The following SLIT3 variants were observed in gnomAD, a reference collection of about 807,000 sequenced individuals.
The protein encoded by SLIT3 is slit homolog 3 protein.
SLIT3 carries 68 observed loss-of-function variants against 184.0 expected under a neutral mutation model. The ratio of observed to expected loss-of-function variants is 0.37; its 90% CI spans 0.30 to 0.45. The LOEUF (loss-of-function observed/expected upper bound fraction) is 0.45, where lower values mean the gene tolerates loss of function less well. Ranked by LOEUF, SLIT3 falls within the 20% of genes least tolerant of loss-of-function variation. The probability of loss-of-function intolerance (pLI) is 1.00; values close to 1 mark genes in which losing one functional copy is unlikely to be tolerated. For synonymous variants in SLIT3, 831 were observed against 828.6 expected, an observed-to-expected ratio of 1.00 and a Z score of -0.05; for missense variants, 1,707 against 2,026.0, an observed-to-expected ratio of 0.84 and a Z score of 3.02.
chr5:168,962,305 C>T (rs1763039385), intron 4 of SLIT3, among the ~76,000 whole-genome samples: 1 of 129,500 alleles, frequency 7.7e-6, no homozygotes, highest in Non-Finnish European at 1.6e-5. Context: ...ACACCCCCCA[C>T]CCCACAACAC....
chr5:168,937,466 G>A (rs573698035), intron 4 of SLIT3, among the ~76,000 whole-genome samples: 1 of 152,286 alleles, frequency 6.6e-6, no homozygotes, highest in East Asian at 1.9e-4. Flanking sequence ...CCTGGCCTTC[G>A]AGGGTGGCAG....
intron 4 of SLIT3, among the ~76,000 whole-genome samples, chr5:169,137,327 C>CAGAGAGAGAGAGAG (rs761731942): frequency 2.1e-4 from 18 of 87,244 alleles, no homozygotes; most frequent in Admixed American, 1.7e-3. Context: ...CACACACACA[C>CAGAGAGAGAGAGAG]ACACACACAG....
At chr5:169,229,675 T>A (rs1234364545) in intron 3 of SLIT3, among the ~76,000 whole-genome samples, 1 of 146,222 alleles carries the variant, frequency 6.8e-6, no homozygotes. Flanking sequence ...TCTCTCCTTA[T>A]TCATCACTCT....
intron 4 of SLIT3, among the ~76,000 whole-genome samples, chr5:168,967,157 T>C (rs985775976): frequency 1.3e-5 from 2 of 152,098 alleles, no homozygotes; most frequent in African/African-American, 4.8e-5. Flanking sequence ...ATGCTCTGTA[T>C]ATATTTTTAA....
At chr5:168,671,751 C>G (rs1761255687) in intron 33 of SLIT3, among the ~76,000 whole-genome samples, 2 of 152,120 alleles carry the variant, frequency 1.3e-5, no homozygotes, top group Non-Finnish European at 2.9e-5. Flanking sequence ...TTGGACTTCC[C>G]TAGAAAAAAT....
intron 4 of SLIT3, among the ~76,000 whole-genome samples, chr5:168,897,271 T>G (rs539989499): frequency 6.6e-6 from 1 of 152,220 alleles, no homozygotes; most frequent in South Asian, 2.1e-4. Flanking sequence ...CAGGACTCCT[T>G]GGATGTCTTT....
At chr5:168,690,743 G>A (rs1014626834) in intron 29 of SLIT3, among the ~76,000 whole-genome samples, 1 of 152,152 alleles carries the variant, frequency 6.6e-6, no homozygotes, top group African/African-American at 2.4e-5. Context: ...GGGCAGATGA[G>A]GTAGATAGGA....
chr5:168,870,234 T>A (rs993710010), intron 5 of SLIT3, among the ~76,000 whole-genome samples: 1 of 152,258 alleles, frequency 6.6e-6, no homozygotes, highest in East Asian at 1.9e-4. Context: ...GAGTCTCTAA[T>A]AATTCTCTTT....
chr5:169,117,262 T>C lies in SLIT3; in HGVS notation c.413+76217A>G, dbSNP rs1760707997. On this transcript the variant is annotated intron_variant, in intron 4 of 35. Transcript: ENST00000519560. ...ACATAACTCCACAATGGACTTACAA[T>C]CTATAAAAAGCACGGCTCCATGCCC... Among the ~76,000 whole-genome samples, 3 of 152,062 alleles carry C rather than the reference T, an allele frequency of 2.0e-5. No homozygotes were observed. In the South Asian group the frequency reaches 6.2e-4, roughly 32 times the overall value.
rs192624701 is a variant in SLIT3, at chr5:169,274,906, G to A, written c.198-23447C>T. On this transcript the variant is annotated intron_variant, in intron 1 of 35. Transcript: ENST00000519560. The stretch of plus-strand genomic sequence containing the variant: ...TCTGGAAATTTGATGTAATAAATAG[G>A]TTCAACCTCATAGGGTTGTTGTGAG... Among the ~76,000 whole-genome samples the A allele has an allele frequency of 3.3e-5, 5 of 152,306 alleles. No homozygotes were observed. In the East Asian group the frequency reaches 9.7e-4, roughly 29 times the overall value.
intron 4 of SLIT3, among the ~76,000 whole-genome samples, chr5:168,901,177 G>A (rs1408401162): frequency 1.3e-5 from 2 of 152,046 alleles, no homozygotes; most frequent in Non-Finnish European, 2.9e-5. Context: ...TGGCTAACAT[G>A]GTGAAACCCC....
In SLIT3 at chr5:169,187,817, G is replaced by A. The variant is rs530864298; in HGVS notation, c.413+5662C>T. ...GATCAGCCCGCCTCGGCTTCCCAAA[G>A]TGTTGGGATTACAGGCGTCAGCTAC... On this transcript the variant is annotated intron_variant, in intron 4 of 35. Coordinates refer to ENST00000519560, the MANE Select transcript of SLIT3 (RefSeq NM_003062.4). 2.6e-4 allele frequency among the ~76,000 whole-genome samples: 39 copies of A among 151,682 alleles called. No individual in the cohort carries two copies. In the South Asian group the frequency reaches 6.6e-3, roughly 26 times the overall value.
At chr5:168,921,318 C>T (rs908263868) in intron 4 of SLIT3, among the ~76,000 whole-genome samples, 15 of 152,190 alleles carry the variant, frequency 9.9e-5, no homozygotes, top group African/African-American at 3.6e-4. Context: ...TACCCAGGCT[C>T]ATCCATTCAC....
In SLIT3 at chr5:169,047,733, C is replaced by CT. The variant is rs1248846256; in HGVS notation, c.413+145745dup. 7.9e-5 allele frequency among the ~76,000 whole-genome samples: 12 copies of CT among 152,094 alleles called. No homozygotes were observed. In the South Asian group the frequency reaches 2.3e-3, roughly 29 times the overall value. On this transcript the variant is annotated intron_variant, in intron 4 of 35. Transcript: ENST00000519560. ...CTTCATATACAATGCTGTCTTTTTT[C>CT]TTTTTTTGGCTGGGATACTTGTTCC... is the stretch of plus-strand genomic sequence containing the variant.
intron 14 of SLIT3, 73 bp from the exon 15 acceptor site, chr5:168,762,762 G>T: frequency 6.6e-7 from 1 of 1,507,020 alleles, no homozygotes; most frequent in Non-Finnish European, 9.1e-7. Flanking sequence ...GGGTAGTGGG[G>T]GTGGGAGACA....
intron 20 of SLIT3, among the ~76,000 whole-genome samples, chr5:168,731,412 T>A (rs1763286868): frequency 6.6e-6 from 1 of 152,054 alleles, no homozygotes; most frequent in Admixed American, 6.5e-5. Context: ...GAAACTATTT[T>A]AAAAAACTGA....
intron 4 of SLIT3, among the ~76,000 whole-genome samples, chr5:169,050,483 G>A (rs1350600717): frequency 6.6e-6 from 1 of 152,146 alleles, no homozygotes; most frequent in Non-Finnish European, 1.5e-5. Flanking sequence ...TTGGGTCTGT[G>A]CCCAGATAAT....
chr5:168,774,216 C>A lies in SLIT3; in HGVS notation c.1295+19G>T. ...CCTGCTGCTTGGGCACCCACTGGCA[C>A]CCGAGGCAGTGTACTCACAGTGTCT... is the stretch of plus-strand genomic sequence containing the variant. On this transcript the variant is annotated intron_variant, in intron 13 of 35. Coordinates refer to ENST00000519560, the MANE Select transcript of SLIT3 (RefSeq NM_003062.4). 3.2e-6 allele frequency: 5 copies of A among 1,581,024 alleles called. No individual in the cohort carries two copies. Among genetic ancestry groups the A allele is most frequent in the Non-Finnish European group, 4.3e-6 (5 of 1,163,888 alleles).
At chr5:168,731,934 T>A (rs1008682002) in intron 20 of SLIT3, among the ~76,000 whole-genome samples, 1 of 152,112 alleles carries the variant, frequency 6.6e-6, no homozygotes, top group Non-Finnish European at 1.5e-5. Context: ...AGTGTAGTAT[T>A]GGAAGTCCTC....
Sources: allele counts gnomAD v4.1 joint callset (sites outside exome capture counted in the v4.1 genomes callset), GRCh38; gene constraint gnomAD v4.1.1; transcripts MANE v1.5; gene names NCBI Gene and HGNC (gene_info 2026-07-23, HGNC 2026-07-21).